Variants in USP32 observed in about 807,000 individuals in gnomAD.
USP32 encodes ubiquitin carboxyl-terminal hydrolase 32.
A neutral mutation model predicts 204.8 loss-of-function variants in USP32; 59 were observed. That is an observed-to-expected ratio of 0.29 (90% confidence interval 0.23 to 0.36). The LOEUF is 0.36. Among genes scored for constraint, USP32 ranks in the 10% least tolerant of loss-of-function variants. The pLI, the probability that USP32 is intolerant of heterozygous loss-of-function variation, is 1.00. For synonymous variants in USP32, 517 were observed against 678.4 expected, an observed-to-expected ratio of 0.76 and a Z score of 3.70; for missense variants, 1,160 against 1,946.4, an observed-to-expected ratio of 0.60 and a Z score of 7.60.
At chr17:60,363,648 A>G (rs1167476858) in intron 1 of USP32, among the ~76,000 whole-genome samples, 1 of 151,430 alleles carries the variant, frequency 6.6e-6, no homozygotes, top group African/African-American at 2.4e-5. Context: ...CACCATGCCC[A>G]GCTAATTTTT....
At position 60,269,430 on chromosome 17, in the gene USP32, A is replaced by G. The variant is rs1311399841; in HGVS notation, c.811+20T>C. ...TCTCTACATAGTTTGCAATTTTTTG[A>G]CAATGTTTAACACACTTACATTTTT... is the stretch of plus-strand genomic sequence containing the variant. On this transcript the variant is annotated intron_variant, in intron 7 of 33. Coordinates refer to ENST00000300896, the MANE Select transcript of USP32 (RefSeq NM_032582.4). The G allele has an allele frequency of 1.3e-6, 2 of 1,589,882 alleles. No individual in the cohort carries two copies. The highest frequency in any genetic ancestry group is 4.5e-5 in the East Asian group (2 of 44,158).
At chr17:60,319,796 AT>A (rs1316013608) in intron 2 of USP32, among the ~76,000 whole-genome samples, 1 of 152,192 alleles carries the variant, frequency 6.6e-6, no homozygotes, top group African/African-American at 2.4e-5. Flanking sequence ...AAAAATAAAA[AT>A]AATACAAAAT....
intron 2 of USP32, among the ~76,000 whole-genome samples, chr17:60,312,888 T>A (rs1293949842): frequency 6.6e-6 from 1 of 152,188 alleles, no homozygotes; most frequent in Non-Finnish European, 1.5e-5. Flanking sequence ...TATGAATACA[T>A]TAAGTACTCA....
chr17:60,180,150 C>T (rs1224687194), intron 33 of USP32, among the ~76,000 whole-genome samples: 8 of 152,118 alleles, frequency 5.3e-5, no homozygotes, highest in East Asian at 1.9e-4. Flanking sequence ...CTCAGCCTCC[C>T]GAGTAGCTGG....
chr17:60,185,807 AT>A, intron 29 of USP32, 156 bp from the exon 30 acceptor site: 1 of 886,328 alleles, frequency 1.1e-6, no homozygotes, highest in Non-Finnish European at 1.6e-6. Flanking sequence ...CATGCCTGTA[AT>A]CCCAGCACTT....
chr17:60,230,577 C>T (rs1268886313), intron 12 of USP32, among the ~76,000 whole-genome samples: 1 of 152,162 alleles, frequency 6.6e-6, no homozygotes, highest in East Asian at 1.9e-4. Context: ...AGAATATGGG[C>T]TTTTCTTTGC....
intron 1 of USP32, chr17:60,421,228 G>A: frequency 2.5e-6 from 1 of 398,246 alleles, no homozygotes; most frequent in East Asian, 1.6e-4. Context: ...ATAAGTGGAA[G>A]GTTTATTCCT....
chr17:60,341,546 C>T (rs1162311461), intron 2 of USP32, among the ~76,000 whole-genome samples: 1 of 152,192 alleles, frequency 6.6e-6, no homozygotes, highest in South Asian at 2.1e-4. Flanking sequence ...ACCAATCAAA[C>T]GTAGATTTGG....
intron 12 of USP32, 106 bp downstream of exon 12, chr17:60,236,032 G>C (rs917208875): frequency 1.1e-6 from 1 of 870,180 alleles, no homozygotes; most frequent in Non-Finnish European, 1.9e-6. Flanking sequence ...ATTTAAGTTG[G>C]AGCATTTTAT....
chr17:60,309,063 G>C (rs1341293794), intron 2 of USP32, among the ~76,000 whole-genome samples: 1 of 152,118 alleles, frequency 6.6e-6, no homozygotes, highest in Admixed American at 6.5e-5. Context: ...AATGCTCCAG[G>C]AGATTGTTCT....
chr17:60,349,626 A>ATATATATATATAT (rs1567867423), intron 1 of USP32, among the ~76,000 whole-genome samples: 11 of 76,256 alleles, frequency 1.4e-4, no homozygotes, highest in Non-Finnish European at 2.2e-4. Context: ...TATATATATT[A>ATATATATATATAT]TATATATATA....
intron 1 of USP32, among the ~76,000 whole-genome samples, chr17:60,417,268 G>A (rs2090069128): frequency 6.6e-6 from 1 of 151,590 alleles, no homozygotes; most frequent in Non-Finnish European, 1.5e-5. Context: ...TTCCAGTCTT[G>A]ATCCATATTT....
At chr17:60,297,513 AT>A (rs1183489094) in intron 3 of USP32, among the ~76,000 whole-genome samples, 1 of 151,410 alleles carries the variant, frequency 6.6e-6, no homozygotes, top group Non-Finnish European at 1.5e-5. Flanking sequence ...CAGTGGCGCA[AT>A]CTCGGCTCAC....
At chr17:60,328,714 T>C (rs1363371918) in intron 2 of USP32, among the ~76,000 whole-genome samples, 1 of 152,232 alleles carries the variant, frequency 6.6e-6, no homozygotes, top group African/African-American at 2.4e-5. Flanking sequence ...TGAGTCCCTC[T>C]TTGGGGCCCT....
intron 2 of USP32, among the ~76,000 whole-genome samples, chr17:60,318,654 T>C (rs1481673649): frequency 6.6e-6 from 1 of 152,210 alleles, no homozygotes; most frequent in East Asian, 1.9e-4. Flanking sequence ...AGGCTGGGAC[T>C]AGGTCAGGTG....
At chr17:60,366,956 TG>T (rs1488113331) in intron 1 of USP32, among the ~76,000 whole-genome samples, 9 of 152,130 alleles carry the variant, frequency 5.9e-5, no homozygotes, top group South Asian at 2.1e-4. Flanking sequence ...CCCGAGTAGC[TG>T]GGACTACAGG....
At chr17:60,376,764 C>T (rs1440770334) in intron 1 of USP32, among the ~76,000 whole-genome samples, 2 of 151,888 alleles carry the variant, frequency 1.3e-5, no homozygotes, top group African/African-American at 4.8e-5. Flanking sequence ...TCAAGTGATC[C>T]GCCCGACTCC....
At chr17:60,405,369 A>AT (rs2089967782) in intron 1 of USP32, among the ~76,000 whole-genome samples, 2 of 151,190 alleles carry the variant, frequency 1.3e-5, no homozygotes, top group Admixed American at 6.6e-5. Flanking sequence ...AGCCAACCTA[A>AT]TTTTTTTTGT....
intron 1 of USP32, among the ~76,000 whole-genome samples, chr17:60,351,953 G>C (rs145024776): frequency 6.6e-6 from 1 of 151,934 alleles, no homozygotes; most frequent in African/African-American, 2.4e-5. Context: ...AAAAAAAAAC[G>C]CAAAGGGCTA....
Sources: gnomAD v4.1 joint callset for allele counts (sites outside exome capture counted in the v4.1 genomes callset) on GRCh38, gnomAD v4.1.1 for gene constraint, MANE v1.5 for transcripts, NCBI Gene and HGNC (gene_info 2026-07-23, HGNC 2026-07-21) for gene names.